Variants in PHACTR1 observed in about 807,000 individuals in gnomAD.
PHACTR1 encodes RPEL repeat containing 1.
Under a neutral mutation model 69.2 loss-of-function variants are expected in PHACTR1, and 16 were observed. That is an observed-to-expected ratio of 0.23 (90% CI 0.16 to 0.35). PHACTR1 has a LOEUF of 0.35. PHACTR1 is among the 10% of genes least tolerant of loss of function. PHACTR1 has a pLI of 1.00. For missense variants in PHACTR1, 510 were observed against 734.7 expected, an observed-to-expected ratio of 0.69 and a Z score of 3.54; for synonymous variants, 312 against 284.5, an observed-to-expected ratio of 1.10 and a Z score of -0.97.
At chr6:12,943,913 G>A (rs1183652969) in intron 4 of PHACTR1, among the ~76,000 whole-genome samples, 1 of 152,106 alleles carries the variant, frequency 6.6e-6, no homozygotes, top group Non-Finnish European at 1.5e-5. Flanking sequence ...TCTAGTCTTG[G>A]AATTTTCTTG....
At position 12,778,464 on chromosome 6, in the gene PHACTR1, T is replaced by TC. The variant is rs145168440; in HGVS notation, c.250+28675dup. Among the ~76,000 whole-genome samples the TC allele has an allele frequency of 9.0e-3, 1,375 of 152,364 alleles. 21 individuals carry two copies. Among genetic ancestry groups the TC allele is most frequent in the African/African-American group, 0.031 (1,305 of 41,582 alleles). On this transcript the variant is annotated intron_variant, in intron 4 of 14. Transcript: ENST00000332995. ...TTTCTGGAAGAACACAGGAAAGTCT[T>TC]CATTTATTCTTTAAATTTACTTGGT...
chr6:13,028,868 G>A (rs1474452986), intron 4 of PHACTR1, among the ~76,000 whole-genome samples: 7 of 152,196 alleles, frequency 4.6e-5, no homozygotes, highest in South Asian at 2.1e-4. Context: ...GTGGACTAGT[G>A]TCTAGGAGGA....
chr6:13,089,962 G>C (rs1446321656), intron 5 of PHACTR1, among the ~76,000 whole-genome samples: 1 of 152,164 alleles, frequency 6.6e-6, no homozygotes, highest in African/African-American at 2.4e-5. Context: ...ATCAGAAGTG[G>C]ACAACAGCAG....
intron 3 of PHACTR1, among the ~76,000 whole-genome samples, chr6:12,732,188 T>A (rs1035381918): frequency 6.6e-6 from 1 of 151,952 alleles, no homozygotes; most frequent in African/African-American, 2.4e-5. Flanking sequence ...TATAGAAAAA[T>A]TTAAAATATA....
intron 4 of PHACTR1, among the ~76,000 whole-genome samples, chr6:13,019,760 T>A (rs1469440752): frequency 6.6e-6 from 1 of 152,178 alleles, no homozygotes; most frequent in Non-Finnish European, 1.5e-5. Flanking sequence ...AGGTAATAGA[T>A]AAAATATATC....
chr6:12,843,023 G>A (rs1320414682), intron 4 of PHACTR1, among the ~76,000 whole-genome samples: 1 of 152,030 alleles, frequency 6.6e-6, no homozygotes, highest in East Asian at 1.9e-4. Context: ...CATTTTCTTA[G>A]CAGTTTCTTT....
chr6:12,811,523 T>C (rs1465058098), intron 4 of PHACTR1, among the ~76,000 whole-genome samples: 1 of 152,246 alleles, frequency 6.6e-6, no homozygotes, highest in Non-Finnish European at 1.5e-5. Flanking sequence ...AACTGTGCAC[T>C]TAAGATTAGT....
chr6:12,780,318 C>T (rs12215911), intron 4 of PHACTR1, among the ~76,000 whole-genome samples: 2 of 147,460 alleles, frequency 1.4e-5, no homozygotes, highest in Non-Finnish European at 3.0e-5. Flanking sequence ...ATTGTGTGTG[C>T]GTGTGCATGT....
chr6:13,120,423 G>T (rs1036577977), intron 5 of PHACTR1, among the ~76,000 whole-genome samples: 4 of 152,190 alleles, frequency 2.6e-5, no homozygotes, highest in Non-Finnish European at 5.9e-5. Flanking sequence ...ATAGGAAAAT[G>T]ATGATCTTAA....
chr6:13,034,977 G>T (rs1345989546), intron 4 of PHACTR1, among the ~76,000 whole-genome samples: 1 of 128,116 alleles, frequency 7.8e-6, no homozygotes, highest in Non-Finnish European at 1.7e-5. Context: ...ATTTCTTTCT[G>T]CTTAGTGGAT....
Position 13,252,657 on chromosome 6 carries a change from T to G in PHACTR1, c.1392-20203T>G, listed in dbSNP as rs990010786. The stretch of plus-strand genomic sequence containing the variant: ...TTGGGGGAGAGGAGAGGGGTCTCTT[T>G]GTTGTTGTGTCACATCTGCAGAAAA... On this transcript the variant is annotated intron_variant, in intron 10 of 14. Coordinates refer to ENST00000332995, the MANE Select transcript of PHACTR1 (RefSeq NM_030948.6). 5.3e-5 allele frequency among the ~76,000 whole-genome samples: 8 copies of G among 152,048 alleles called. No individual in the cohort carries two copies. The East Asian group carries it at 1.4e-3, about 26-fold the overall frequency.
At chr6:13,172,673 AAGGCTTCTCAGCAAG>A (rs1760785155) in intron 6 of PHACTR1, among the ~76,000 whole-genome samples, 1 of 152,230 alleles carries the variant, frequency 6.6e-6, no homozygotes, top group Non-Finnish European at 1.5e-5. Context: ...GTTTTAGGCA[AAGGCTTCTCAGCAAG>A]AAGGAGAAGC....
intron 5 of PHACTR1, among the ~76,000 whole-genome samples, chr6:13,066,343 A>G (rs1808626233): frequency 1.3e-5 from 2 of 152,154 alleles, no homozygotes; most frequent in African/African-American, 4.8e-5. Flanking sequence ...GCCAGATATT[A>G]ATATATTTTT....
Position 12,808,756 on chromosome 6 carries a change from C to CTCT in PHACTR1, c.250+58979_250+58981dup, listed in dbSNP as rs898332089. On this transcript the variant is annotated intron_variant, in intron 4 of 14. Transcript: ENST00000332995. ...AGTGATTTTTAGTTTCTTCCTCTTC[C>CTCT]TCTTCTTCTTCTTCTCCTTCTCCTT... is the stretch of plus-strand genomic sequence containing the variant. 1.4e-3 allele frequency among the ~76,000 whole-genome samples: 196 copies of CTCT among 140,468 alleles called. 5 individuals are homozygous for CTCT. Among genetic ancestry groups the CTCT allele is most frequent in the Admixed American group, 0.014 (195 of 14,250 alleles). The allele number at this position is 140,468 out of a possible 152,430, so 92.2% of individuals were successfully genotyped here.
At chr6:13,090,964 A>T (rs986133113) in intron 5 of PHACTR1, among the ~76,000 whole-genome samples, 2 of 147,172 alleles carry the variant, frequency 1.4e-5, no homozygotes, top group Admixed American at 1.4e-4. Context: ...CTCACCATAA[A>T]GTAGAATCAG....
intron 3 of PHACTR1, among the ~76,000 whole-genome samples, chr6:12,726,378 T>G (rs1337752358): frequency 6.6e-6 from 1 of 152,174 alleles, no homozygotes; most frequent in Non-Finnish European, 1.5e-5. Context: ...GCTCTGAACA[T>G]GTCCAGAAAG....
intron 4 of PHACTR1, among the ~76,000 whole-genome samples, chr6:13,052,848 C>T (rs543841576): frequency 3.9e-5 from 6 of 152,282 alleles, no homozygotes; most frequent in Middle Eastern, 3.4e-3. Context: ...TAACAGATTT[C>T]AGTGCTGCTG....
chr6:13,006,476 T>A (rs936563169), intron 4 of PHACTR1, among the ~76,000 whole-genome samples: 2 of 152,166 alleles, frequency 1.3e-5, no homozygotes, highest in African/African-American at 4.8e-5. Context: ...ATTCATTTAA[T>A]CTCACCGATC....
At position 12,805,563 on chromosome 6, in the gene PHACTR1, G is replaced by A. The variant is rs577638595; in HGVS notation, c.250+55773G>A. The stretch of plus-strand genomic sequence containing the variant: ...GACCTACTAATTGTCAACTTGAATG[G>A]CTTCTTTCTTTCTTTCTCTCTCTCT... On this transcript the variant is annotated intron_variant, in intron 4 of 14. Coordinates refer to ENST00000332995, the MANE Select transcript of PHACTR1 (RefSeq NM_030948.6). Among the ~76,000 whole-genome samples the A allele has an allele frequency of 4.6e-5, 7 of 151,818 alleles. No individual in the cohort carries two copies. The South Asian group carries it at 1.0e-3, about 23-fold the overall frequency.
Sources: gnomAD v4.1 joint callset for allele counts (sites outside exome capture counted in the v4.1 genomes callset) on GRCh38, gnomAD v4.1.1 for gene constraint, MANE v1.5 for transcripts, NCBI Gene and HGNC (gene_info 2026-07-23, HGNC 2026-07-21) for gene names.